CDKL3: variants seen among roughly 807,000 people sequenced by gnomAD.
CDKL3 encodes cyclin-dependent kinase-like 3.
Under a neutral mutation model 69.3 loss-of-function variants are expected in CDKL3, and 65 were observed. The observed-to-expected ratio is 0.94, with a 90% CI of 0.77 to 1.15. The LOEUF is 1.15. CDKL3 is among the 50% of genes most tolerant of loss of function. CDKL3 has a pLI of 0.00. For synonymous variants in CDKL3, 202 were observed against 221.6 expected, an observed-to-expected ratio of 0.91 and a Z score of 0.79; for missense variants, 652 against 689.2, an observed-to-expected ratio of 0.95 and a Z score of 0.61.
chr5:134,303,678 C>T (rs564544089), intron 11 of CDKL3, among the ~76,000 whole-genome samples: 17 of 149,190 alleles, frequency 1.1e-4, no homozygotes, highest in African/African-American at 4.0e-4. Flanking sequence ...ACCCCCCCCC[C>T]GTCTCTACTA....
At chr5:134,363,957 T>TAAAAAAAAA (rs1206131261) in intron 2 of CDKL3, among the ~76,000 whole-genome samples, 6 of 96,388 alleles carry the variant, frequency 6.2e-5, no homozygotes, top group African/African-American at 1.3e-4. Context: ...CTCCATTTCT[T>TAAAAAAAAA]AAAAAAAAAA....
chr5:134,284,053 C>T (rs1416794909), downstream of CDKL3, among the ~76,000 whole-genome samples: 1 of 152,158 alleles, frequency 6.6e-6, no homozygotes, highest in Admixed American at 6.5e-5. Flanking sequence ...GGAAGCTCCA[C>T]CTCTATGGCT....
rs552749484 is a variant in CDKL3, at chr5:134,358,796, T to C, written c.360+1101A>G. Among the ~76,000 whole-genome samples, 37 of 152,094 alleles carry C rather than the reference T, an allele frequency of 2.4e-4. No individual in the cohort carries two copies. The South Asian group carries it at 2.9e-3, about 12-fold the overall frequency. ...CAGCTAATTTATTTTTTATTTTTAGTAGAGACAAGGTCTTGCTATGTTGCC... is the reference window on the plus strand; with the variant it reads ...CAGCTAATTTATTTTTTATTTTTAGCAGAGACAAGGTCTTGCTATGTTGCC... On this transcript the variant is annotated intron_variant, in intron 3 of 12. Coordinates refer to ENST00000265334, the MANE Select transcript of CDKL3 (RefSeq NM_001113575.2).
chr5:134,336,322 C>CTGTCAACT (rs1377181632), intron 4 of CDKL3, among the ~76,000 whole-genome samples: 2 of 152,226 alleles, frequency 1.3e-5, no homozygotes, highest in Non-Finnish European at 2.9e-5. Flanking sequence ...AAGCCTACTT[C>CTGTCAACT]TGTCAACTTG....
At chr5:134,317,081 T>G (rs1368245027) in intron 6 of CDKL3, among the ~76,000 whole-genome samples, 1 of 152,184 alleles carries the variant, frequency 6.6e-6, no homozygotes, top group Non-Finnish European at 1.5e-5. Flanking sequence ...ATAAATAAAT[T>G]TTGTACTAAA....
intron 12 of CDKL3, chr5:134,299,734 T>G (rs1266544276): frequency 1.3e-6 from 2 of 1,534,022 alleles, no homozygotes; most frequent in Non-Finnish European, 1.7e-6. Flanking sequence ...CCTTTCAGTT[T>G]GTGCATTTCC....
chr5:134,328,224 A>G (rs573404013), intron 4 of CDKL3, among the ~76,000 whole-genome samples: 4 of 152,362 alleles, frequency 2.6e-5, no homozygotes, highest in East Asian at 3.9e-4. Flanking sequence ...CAAAATAACA[A>G]TTATGAATAT....
chr5:134,369,250 T>A (rs770297896), upstream of CDKL3, among the ~76,000 whole-genome samples: 2 of 152,194 alleles, frequency 1.3e-5, no homozygotes, highest in Non-Finnish European at 2.9e-5. Flanking sequence ...ACTGAATCAG[T>A]TAAAAGTGTT....
chr5:134,353,805 G>A (rs1333033497), intron 3 of CDKL3, among the ~76,000 whole-genome samples: 5 of 152,078 alleles, frequency 3.3e-5, no homozygotes, highest in Admixed American at 1.3e-4. Flanking sequence ...TGATCCGCCC[G>A]CCTCGGCCTC....
At chr5:134,305,041 C>G (rs1379991903) in intron 10 of CDKL3, among the ~76,000 whole-genome samples, 2 of 151,672 alleles carry the variant, frequency 1.3e-5, no homozygotes, top group Non-Finnish European at 2.9e-5. Context: ...CTCCTGGGCT[C>G]AAGTGACCCT....
intron 8 of CDKL3, among the ~76,000 whole-genome samples, chr5:134,291,240 G>A (rs1765112288): frequency 6.6e-6 from 1 of 152,154 alleles, no homozygotes; most frequent in Non-Finnish European, 1.5e-5. Context: ...TATAGCTGTT[G>A]AATGGGTAAT....
At chr5:134,298,316 C>T, downstream of CDKL3, 1 of 1,035,166 alleles carries the variant, frequency 9.7e-7, no homozygotes, top group Non-Finnish European at 1.2e-6. Flanking sequence ...AGATAACTGA[C>T]TCGAAGTTAT....
intron 4 of CDKL3, among the ~76,000 whole-genome samples, chr5:134,332,800 C>T (rs1776131476): frequency 6.6e-6 from 1 of 152,098 alleles, no homozygotes; most frequent in African/African-American, 2.4e-5. Flanking sequence ...TCCATGTGAA[C>T]TTTAAAGTAG....
intron 3 of CDKL3, among the ~76,000 whole-genome samples, chr5:134,351,142 A>T (rs757832814): frequency 6.6e-6 from 1 of 152,208 alleles, no homozygotes; most frequent in Admixed American, 6.5e-5. Flanking sequence ...AAAAATGCCA[A>T]CTATTCCTAC....
At chr5:134,286,941 C>A (rs950525451) in intron 8 of CDKL3, among the ~76,000 whole-genome samples, 4 of 152,128 alleles carry the variant, frequency 2.6e-5, no homozygotes, top group Non-Finnish European at 5.9e-5. Flanking sequence ...GAGACTGTAG[C>A]TTCAGGTAAA....
intron 3 of CDKL3, among the ~76,000 whole-genome samples, chr5:134,356,593 G>A (rs982646832): frequency 1.3e-5 from 2 of 152,108 alleles, no homozygotes; most frequent in African/African-American, 4.8e-5. Context: ...TAGTCAGCCT[G>A]GCTAACGTGG....
chr5:134,305,194 CT>C (rs1182572316), intron 10 of CDKL3, among the ~76,000 whole-genome samples: 1 of 152,038 alleles, frequency 6.6e-6, no homozygotes, highest in East Asian at 1.9e-4. Flanking sequence ...CGGCTGCAGC[CT>C]CAACCTCTTG....
At chr5:134,336,114 A>G (rs1046292630) in intron 4 of CDKL3, among the ~76,000 whole-genome samples, 17 of 152,314 alleles carry the variant, frequency 1.1e-4, no homozygotes, top group Admixed American at 9.8e-4. Context: ...TGATCAAATC[A>G]GCTATTGAAG....
chr5:134,352,368 G>A (rs1390383485), intron 3 of CDKL3, among the ~76,000 whole-genome samples: 4 of 149,760 alleles, frequency 2.7e-5, no homozygotes, highest in Non-Finnish European at 5.9e-5. Flanking sequence ...TGGCACGATC[G>A]CAGCTCACTG....
Sources: gnomAD v4.1 joint callset for allele counts (sites outside exome capture counted in the v4.1 genomes callset) on GRCh38, gnomAD v4.1.1 for gene constraint, MANE v1.5 for transcripts, NCBI Gene and HGNC (gene_info 2026-07-23, HGNC 2026-07-21) for gene names.